Variants in ZBBX observed in about 807,000 individuals in gnomAD.
ZBBX encodes the protein zinc finger B-box domain containing, also known as zinc finger B-box domain-containing protein 1.
A neutral mutation model predicts 108.5 loss-of-function variants in ZBBX; 101 were observed. That is an observed-to-expected ratio of 0.93 (90% CI 0.79 to 1.10). The LOEUF is 1.10. Among genes scored for constraint, ZBBX ranks in the 50% least tolerant of loss-of-function variants. ZBBX has a pLI of 0.00. For synonymous variants in ZBBX, 356 were observed against 323.4 expected (o/e 1.10, Z -1.08); for missense variants, 1,009 against 941.4 (o/e 1.07, Z -0.94).
intron 9 of ZBBX, among the ~76,000 whole-genome samples, chr3:167,341,417 T>A (rs1740516750): frequency 6.6e-6 from 1 of 151,968 alleles, no homozygotes; most frequent in Non-Finnish European, 1.5e-5. Flanking sequence ...TAAAATATTT[T>A]AAAATAAGAC....
At chr3:167,315,232 G>A (rs978144858) in intron 15 of ZBBX, among the ~76,000 whole-genome samples, 5 of 152,150 alleles carry the variant, frequency 3.3e-5, no homozygotes, top group South Asian at 2.1e-4. Context: ...ATTTGGAAAT[G>A]AGAAAATTCT....
chr3:167,282,376 A>G lies in ZBBX; in HGVS notation c.2116T>C (p.Ser706Pro), dbSNP rs1357372589. 6.2e-7 allele frequency: 1 copy of G among 1,614,144 alleles called. No individual in the cohort carries two copies. The highest frequency in any genetic ancestry group is 8.5e-7 in the Non-Finnish European group (1 of 1,180,012). The change falls in exon 20 of 22, where the codon TCT becomes CCT. Residue 706 changes from serine to proline, a missense_variant. Physicochemically the swap from Ser to Pro is moderately conservative, Grantham distance 74 (BLOSUM62 -1). Transcript: ENST00000675490. ...RSRSAAAQSSSRAASEISEIE... is the reference protein window; with the variant it reads ...RSRSAAAQSSPRAASEISEIE... ...TCTGAAATTTCAGAAGCAGCTCTAG[A>G]TGATGATTGAGCAGCTGCACTTCTT...
At chr3:167,297,814 C>A (rs1309375999) in intron 18 of ZBBX, among the ~76,000 whole-genome samples, 1 of 151,788 alleles carries the variant, frequency 6.6e-6, no homozygotes, top group African/African-American at 2.4e-5. Flanking sequence ...TAGGAAAATG[C>A]AAATCTAAGC....
the ZBBX span, among the ~76,000 whole-genome samples, chr3:167,218,231 C>A: frequency 6.6e-6 from 1 of 152,058 alleles, no homozygotes; most frequent in Admixed American, 6.6e-5. Flanking sequence ...ATGTAACAAA[C>A]CTTCACATGA....
intron 11 of ZBBX, among the ~76,000 whole-genome samples, chr3:167,325,384 C>G (rs1371638316): frequency 6.6e-6 from 1 of 152,036 alleles, no homozygotes; most frequent in African/African-American, 2.4e-5. Context: ...GCAGGGAACT[C>G]CCATTTATAA....
chr3:167,388,529 T>G (rs1226878888), intron 1 of ZBBX, among the ~76,000 whole-genome samples: 1 of 151,958 alleles, frequency 6.6e-6, no homozygotes. Flanking sequence ...ATCACTAAGT[T>G]ATGGTATTAA....
Position 167,363,224 on chromosome 3 carries a change from C to T in ZBBX, c.274-2501G>A, listed in dbSNP as rs527472262. Among the ~76,000 whole-genome samples, 32 of 152,082 alleles carry T rather than the reference C, an allele frequency of 2.1e-4. 1 individual carries two copies. The highest frequency in any genetic ancestry group is 7.5e-4 in the African/African-American group (31 of 41,514). The stretch of plus-strand genomic sequence containing the variant: ...CCTCCTACAAATCCATGCTGATCAG[C>T]CTCAATGGGCTATATGGCTCTTTGG... On this transcript the variant is annotated intron_variant, in intron 6 of 21. Coordinates refer to ENST00000675490, the MANE Select transcript of ZBBX (RefSeq NM_001199201.2).
intron 20 of ZBBX, among the ~76,000 whole-genome samples, chr3:167,261,111 G>A (rs565087162): frequency 2.6e-5 from 4 of 152,258 alleles, no homozygotes; most frequent in Non-Finnish European, 4.4e-5. Context: ...TCCGGGTCTA[G>A]CCACCCAGAG....
At chr3:167,301,065 C>G (rs530333859) in intron 17 of ZBBX, among the ~76,000 whole-genome samples, 1 of 152,174 alleles carries the variant, frequency 6.6e-6, no homozygotes, top group Admixed American at 6.5e-5. Flanking sequence ...TTCTAATTCT[C>G]TCTCTCCTCC....
chr3:167,362,584 T>C (rs1318129280), intron 6 of ZBBX, among the ~76,000 whole-genome samples: 1 of 152,146 alleles, frequency 6.6e-6, no homozygotes, highest in Non-Finnish European at 1.5e-5. Context: ...TCCGTGGATC[T>C]TCTATTAAAT....
Position 167,332,660 on chromosome 3 carries a change from T to C in ZBBX, c.687+1167A>G, listed in dbSNP as rs13100320. Among the ~76,000 whole-genome samples, 455 of 152,326 alleles carry C rather than the reference T, an allele frequency of 3.0e-3. 1 individual carries two copies. Among genetic ancestry groups the C allele is most frequent in the South Asian group, 6.8e-3 (33 of 4,828 alleles). ...CAAGTAAAGCATTAAGCACAATGCC[T>C]AGCATAAGGTGTTCAATAAAAGTTA... On this transcript the variant is annotated intron_variant, in intron 10 of 21. Transcript: ENST00000675490.
the ZBBX span, among the ~76,000 whole-genome samples, chr3:167,233,792 T>C: frequency 6.7e-6 from 1 of 150,180 alleles, no homozygotes; most frequent in Non-Finnish European, 1.5e-5. Flanking sequence ...TCTGTGTGGC[T>C]CTCTGGAGTC....
At chr3:167,371,751 T>C (rs549143113) in intron 4 of ZBBX, among the ~76,000 whole-genome samples, 3 of 152,228 alleles carry the variant, frequency 2.0e-5, no homozygotes, top group African/African-American at 4.8e-5. Flanking sequence ...ACCAAATACA[T>C]GGTATACCTA....
the ZBBX span, among the ~76,000 whole-genome samples, chr3:167,214,709 A>G: frequency 6.6e-6 from 1 of 152,168 alleles, no homozygotes; most frequent in African/African-American, 2.4e-5. Flanking sequence ...ATCACATGGC[A>G]CATACTCTAA....
At chr3:167,365,172 A>G (rs1291247419) in intron 6 of ZBBX, among the ~76,000 whole-genome samples, 2 of 151,732 alleles carry the variant, frequency 1.3e-5, no homozygotes, top group African/African-American at 4.8e-5. Context: ...AAAGCCAAAA[A>G]CTTTAGAAGC....
At chr3:167,314,419 G>A (rs1035598191) in intron 15 of ZBBX, among the ~76,000 whole-genome samples, 1 of 151,990 alleles carries the variant, frequency 6.6e-6, no homozygotes, top group Non-Finnish European at 1.5e-5. Flanking sequence ...CTTCTAAAAA[G>A]GGAGTGTTCT....
At chr3:167,317,197 T>G (rs1735614578) in intron 13 of ZBBX, 92 bp from the exon 14 acceptor site, 1 of 836,688 alleles carries the variant, frequency 1.2e-6, no homozygotes, top group Admixed American at 2.7e-5. Flanking sequence ...AAGAAGAGTG[T>G]TCTCATGTGT....
intron 20 of ZBBX, among the ~76,000 whole-genome samples, chr3:167,253,868 A>G (rs183876624): frequency 2.6e-5 from 4 of 152,342 alleles, no homozygotes; most frequent in East Asian, 3.9e-4. Context: ...GATCAGGACC[A>G]TAAGATTTTC....
At chr3:167,203,552 GT>G in the ZBBX span, among the ~76,000 whole-genome samples, 11 of 151,826 alleles carry the variant, frequency 7.2e-5, no homozygotes, top group African/African-American at 1.9e-4. Context: ...GTTAAGTGAA[GT>G]TTTTTTTCTC....
Sources: allele counts gnomAD v4.1 joint callset (sites outside exome capture counted in the v4.1 genomes callset), GRCh38; gene constraint gnomAD v4.1.1; transcripts MANE v1.5; gene names NCBI Gene and HGNC (gene_info 2026-07-23, HGNC 2026-07-21).